The following WWTR1 variants were observed in gnomAD, a reference collection of about 807,000 sequenced individuals.
The protein encoded by WWTR1 is WW domain-containing transcription regulator protein 1.
In WWTR1, 13 loss-of-function variants were observed where a neutral mutation model predicts 40.1. That is an observed-to-expected ratio of 0.32 (90% CI 0.21 to 0.52). The LOEUF (loss-of-function observed/expected upper bound fraction) is 0.52. Ranked by LOEUF, WWTR1 falls within the 20% of genes least tolerant of loss-of-function variation. WWTR1 has a pLI of 0.97. For missense variants in WWTR1, 436 were observed against 523.1 expected (o/e 0.83, Z 1.63); for synonymous variants, 230 against 210.1 (o/e 1.09, Z -0.82).
chr3:149,559,355 A>G (rs1736991029), intron 3 of WWTR1, among the ~76,000 whole-genome samples: 1 of 151,954 alleles, frequency 6.6e-6, no homozygotes, highest in Non-Finnish European at 1.5e-5. Context: ...GTCTTTTGAG[A>G]AAATATAAGT....
intron 2 of WWTR1, among the ~76,000 whole-genome samples, chr3:149,584,313 A>G (rs1738304433): frequency 6.6e-6 from 1 of 152,150 alleles, no homozygotes; most frequent in African/African-American, 2.4e-5. Flanking sequence ...CTTCTCCTCT[A>G]TTCATGTGAA....
At chr3:149,693,172 T>C (rs889663768) in intron 1 of WWTR1, among the ~76,000 whole-genome samples, 89 of 152,286 alleles carry the variant, frequency 5.8e-4, no homozygotes, top group African/African-American at 2.1e-3. Context: ...ATCAGTAGCA[T>C]TTCTATATGC....
At chr3:149,521,333 C>T (rs2107894988) in intron 6 of WWTR1, among the ~76,000 whole-genome samples, 1 of 152,282 alleles carries the variant, frequency 6.6e-6, no homozygotes, top group Admixed American at 6.5e-5. Flanking sequence ...CTATAATCTA[C>T]AGGTTTCATT....
At chr3:149,710,459 TG>T (rs1321811094) in intron 5 of WWTR1, among the ~76,000 whole-genome samples, 1 of 152,108 alleles carries the variant, frequency 6.6e-6, no homozygotes, top group Non-Finnish European at 1.5e-5. Flanking sequence ...ATCTGTTCTT[TG>T]GTTTTCTCAT....
intron 2 of WWTR1, among the ~76,000 whole-genome samples, chr3:149,646,994 G>C (rs1712570267): frequency 6.6e-6 from 1 of 151,940 alleles, no homozygotes; most frequent in South Asian, 2.1e-4. Context: ...AAAAAACAGA[G>C]GTTTATGTAC....
At position 149,692,672 on chromosome 3, in the gene WWTR1, C is replaced by T. The variant is rs575924301; in HGVS notation, c.-108+10452G>A. On this transcript the variant is annotated intron_variant, in intron 1 of 7. Transcript: ENST00000465804. ...GTTTGAGACGGAGTTTCATTCTTGT[C>T]GCCCAGGCTGGAGTGCAATGGTGCG... 4.1e-4 allele frequency among the ~76,000 whole-genome samples: 63 copies of T among 152,174 alleles called. 2 individuals carry two copies. In the South Asian group the frequency reaches 0.012, roughly 30 times the overall value.
In WWTR1 at chr3:149,519,977, A is replaced by C. The variant is rs958562806; in HGVS notation, c.*828T>G. The C allele has an allele frequency of 3.3e-5, 5 of 151,732 alleles. No homozygotes were observed. The highest frequency in any genetic ancestry group is 1.9e-4 in the East Asian group (1 of 5,180). The allele number at this position is 151,732 out of a possible 1,614,324, so 9.4% of individuals were successfully genotyped here. On this transcript the variant is annotated 3_prime_UTR_variant, in exon 7 of 7. Coordinates refer to ENST00000360632, the MANE Select transcript of WWTR1 (RefSeq NM_015472.6). ...ACAAACAACATCAAGAAAAAAAAAA[A>C]CCATCAGATTCTAAGCTGCAATTTT...
chr3:149,524,839 A>T lies in WWTR1; in HGVS notation c.1018+1174T>A, dbSNP rs183477956. The stretch of plus-strand genomic sequence containing the variant: ...TATGGCAAACACTTTGGGGGAAGGA[A>T]TTTTTTATTTTCAACACAAAACAAT... On this transcript the variant is annotated intron_variant, in intron 6 of 6. Transcript: ENST00000360632. Among the ~76,000 whole-genome samples the T allele has an allele frequency of 2.4e-3, 363 of 152,304 alleles. 1 individual carries two copies. Among genetic ancestry groups the T allele is most frequent in the African/African-American group, 8.3e-3 (344 of 41,582 alleles).
At chr3:149,623,539 T>A (rs2108091375) in intron 2 of WWTR1, among the ~76,000 whole-genome samples, 1 of 152,360 alleles carries the variant, frequency 6.6e-6, no homozygotes, top group African/African-American at 2.4e-5. Flanking sequence ...CCACATCATT[T>A]AAGTTTGCAA....
At chr3:149,616,314 C>T (rs1240184616) in intron 2 of WWTR1, among the ~76,000 whole-genome samples, 2 of 152,148 alleles carry the variant, frequency 1.3e-5, no homozygotes, top group South Asian at 2.1e-4. Context: ...GAAAATTTGA[C>T]CCTATCTTTA....
intron 2 of WWTR1, among the ~76,000 whole-genome samples, chr3:149,636,271 G>T (rs1711810846): frequency 6.6e-6 from 1 of 152,108 alleles, no homozygotes; most frequent in Non-Finnish European, 1.5e-5. Flanking sequence ...TAGTTTTGTT[G>T]ATATCTCCAA....
rs1734930447 is a variant in WWTR1 at position 149,519,278 on chromosome 3, T to C, written c.*1527A>G. 6.6e-6 allele frequency: 1 copy of C among 152,226 alleles called. No individual in the cohort carries two copies. Among genetic ancestry groups the C allele is most frequent in the Non-Finnish European group, 1.5e-5 (1 of 68,040 alleles). The allele number at this position is 152,226 out of a possible 1,614,324, so 9.4% of individuals were successfully genotyped here. ...ATTGAATACATATTTCATGCCTTTT[T>C]ATACCAACTGTAGCAAACAGGATTA... On this transcript the variant is annotated 3_prime_UTR_variant, in exon 7 of 7. Transcript: ENST00000360632.
At chr3:149,694,789 A>C (rs1266276701) in intron 1 of WWTR1, among the ~76,000 whole-genome samples, 3 of 152,242 alleles carry the variant, frequency 2.0e-5, no homozygotes, top group African/African-American at 7.2e-5. Context: ...CTACCATATG[A>C]TCCAGCAATC....
intron 1 of WWTR1, among the ~76,000 whole-genome samples, chr3:149,679,620 G>A (rs1714387676): frequency 6.6e-6 from 1 of 151,486 alleles, no homozygotes; most frequent in Non-Finnish European, 1.5e-5. Flanking sequence ...GGGAGTTCAG[G>A]GAAAGAGAAC....
chr3:149,574,495 A>G (rs1246686178), intron 2 of WWTR1, among the ~76,000 whole-genome samples: 2 of 152,176 alleles, frequency 1.3e-5, no homozygotes, highest in Non-Finnish European at 2.9e-5. Context: ...AAGGAGCATG[A>G]TTGTTGTTTC....
intron 2 of WWTR1, among the ~76,000 whole-genome samples, chr3:149,654,608 T>C (rs1397928798): frequency 6.6e-6 from 1 of 152,192 alleles, no homozygotes; most frequent in African/African-American, 2.4e-5. Flanking sequence ...TAACTTCCAC[T>C]TTTGCCCTTG....
intron 2 of WWTR1, among the ~76,000 whole-genome samples, chr3:149,581,175 T>C (rs1359016282): frequency 1.3e-5 from 2 of 152,186 alleles, no homozygotes. Context: ...TTTAAAACAC[T>C]ATTATTGGTT....
intron 5 of WWTR1, among the ~76,000 whole-genome samples, chr3:149,526,460 A>G (rs1560044109): frequency 6.6e-6 from 1 of 152,148 alleles, no homozygotes; most frequent in Non-Finnish European, 1.5e-5. Flanking sequence ...GGATACATAC[A>G]CTAACGGGCA....
intron 3 of WWTR1, among the ~76,000 whole-genome samples, chr3:149,564,723 A>C (rs1737232054): frequency 6.6e-6 from 1 of 152,176 alleles, no homozygotes; most frequent in African/African-American, 2.4e-5. Flanking sequence ...TGTCCTCAAG[A>C]AGCTTAGTCT....
Sources: allele counts gnomAD v4.1 joint callset (sites outside exome capture counted in the v4.1 genomes callset), GRCh38; gene constraint gnomAD v4.1.1; transcripts MANE v1.5; gene names NCBI Gene and HGNC (gene_info 2026-07-23, HGNC 2026-07-21).